The following EXTL3 variants were observed in gnomAD, a reference collection of about 807,000 sequenced individuals.
EXTL3 encodes exostosin like glycosyltransferase 3, also known as exostosin-like 3.
In EXTL3, 27 loss-of-function variants were observed where a neutral mutation model predicts 69.3. That is an observed-to-expected ratio of 0.39 (90% CI 0.29 to 0.54). The LOEUF (loss-of-function observed/expected upper bound fraction) is 0.54. Ranked by LOEUF, EXTL3 falls within the 20% of genes least tolerant of loss-of-function variation. The pLI is 0.69. For missense variants in EXTL3, 1,003 were observed against 1,231.8 expected (o/e 0.81, Z 2.78); for synonymous variants, 511 against 499.4 (o/e 1.02, Z -0.31).
intron 1 of EXTL3, among the ~76,000 whole-genome samples, chr8:28,680,850 C>T (rs1171230648): frequency 6.6e-6 from 1 of 152,110 alleles, no homozygotes; most frequent in Non-Finnish European, 1.5e-5. Flanking sequence ...CATAATGTCT[C>T]TAGGTTCATC....
intron 1 of EXTL3, among the ~76,000 whole-genome samples, chr8:28,701,876 CCAGGCCCTCGGCCGG>C (rs1476935037): frequency 1.3e-5 from 2 of 152,062 alleles, no homozygotes; most frequent in Admixed American, 6.5e-5. Context: ...GGAGAGGCCG[CCAGGCCCTCGGCCGG>C]CAGCCGGGAG....
intron 1 of EXTL3, among the ~76,000 whole-genome samples, chr8:28,649,692 T>C (rs973283757): frequency 1.3e-5 from 2 of 152,200 alleles, no homozygotes; most frequent in African/African-American, 4.8e-5. Flanking sequence ...TTGTCTATGG[T>C]ATATTTCAGT....
chr8:28,743,207 C>G lies in EXTL3; in HGVS notation c.2543C>G (p.Pro848Arg). 6.2e-7 allele frequency: 1 copy of G among 1,614,212 alleles called. No homozygotes were observed. The highest frequency in any genetic ancestry group is 8.5e-7 in the Non-Finnish European group (1 of 1,180,022). The change falls in exon 6 of 7, where the codon CCC becomes CGC. Residue 848 changes from proline to arginine, a missense_variant. Transcript: ENST00000220562. The part of the protein sequence containing the change: ...FLVSHITRKP[P>R]IKVTSRWTFR... ...GTCTCCCACATCACTCGGAAGCCCC[C>G]CATCAAGGTGAGGTCCCACCACTGG...
Position 28,609,903 on chromosome 8 carries a change from A to T in EXTL3, n.314+2145A>T, listed in dbSNP as rs1456851999. Among the ~76,000 whole-genome samples the T allele has an allele frequency of 2.8e-4, 20 of 71,158 alleles. No homozygotes were observed. In the African/African-American group the frequency reaches 4.6e-3, roughly 16 times the overall value. The allele number at this position is 71,158 out of a possible 152,430, so 46.7% of individuals were successfully genotyped here. ...AGACACTGGCTCAAAAAAATAATTA[A>T]AAAAAAAAAAAAAAAGCCAGATGCA... On this transcript the variant is annotated intron_variant and non_coding_transcript_variant, in intron 2 of 4. Transcript: ENST00000522725.
chr8:28,716,262 G>A lies in EXTL3; in HGVS notation c.203G>A (p.Arg68Gln), dbSNP rs150466027. 2.5e-6 allele frequency: 4 copies of A among 1,614,050 alleles called. No homozygotes were observed. In the African/African-American group the frequency reaches 4.0e-5, roughly 16 times the overall value. ...DEAGKRIFGP[R>Q]VGNELCEVKH... ...GCAGGCAAGCGGATTTTTGGTCCCC[G>A]GGTGGGGAACGAGCTGTGCGAGGTG... Residue 68 changes from arginine (R) to glutamine (Q), a missense_variant, in exon 3 of 7, where the codon CGG (arginine) becomes CAG (glutamine). Coordinates refer to ENST00000220562, the MANE Select transcript of EXTL3 (RefSeq NM_001440.4). The surrounding 1 kb of genome is among the most constrained non-coding windows in gnomAD (Gnocchi z 7.1).
intron 1 of EXTL3, among the ~76,000 whole-genome samples, chr8:28,672,275 G>A (rs1270405328): frequency 2.0e-5 from 3 of 151,724 alleles, no homozygotes; most frequent in African/African-American, 4.8e-5. Flanking sequence ...AAAATTAGCC[G>A]GGCATGGTGG....
intron 3 of EXTL3, among the ~76,000 whole-genome samples, chr8:28,721,101 G>A (rs756104802): frequency 2.6e-5 from 4 of 152,184 alleles, no homozygotes; most frequent in Non-Finnish European, 5.9e-5. Context: ...TTGGTTTTCA[G>A]CAGTTTGACT....
At chr8:28,698,702 A>G (rs991504133), upstream of EXTL3, among the ~76,000 whole-genome samples, 2 of 151,966 alleles carry the variant, frequency 1.3e-5, no homozygotes, top group Admixed American at 1.3e-4. Context: ...ACAAAACAAA[A>G]CAAAAATTAG....
chr8:28,674,770 T>A (rs2130648630), intron 1 of EXTL3, among the ~76,000 whole-genome samples: 1 of 152,290 alleles, frequency 6.6e-6, no homozygotes, highest in Non-Finnish European at 1.5e-5. Flanking sequence ...ATGTCTCCTT[T>A]ATCAGTGAAG....
At chr8:28,621,877 A>G (rs192250782), upstream of EXTL3, among the ~76,000 whole-genome samples, 261 of 152,384 alleles carry the variant, frequency 1.7e-3, no homozygotes, top group Middle Eastern at 3.4e-3. Flanking sequence ...TTAACATCGC[A>G]TGACAGAAAT....
chr8:28,633,926 C>T (rs1228472883), intron 1 of EXTL3, among the ~76,000 whole-genome samples: 3 of 152,188 alleles, frequency 2.0e-5, no homozygotes, highest in African/African-American at 7.2e-5. Context: ...ACTCAGCCGA[C>T]CTCTGTGTTA....
intron 1 of EXTL3, among the ~76,000 whole-genome samples, chr8:28,634,688 G>A (rs779929788): frequency 1.3e-5 from 2 of 149,408 alleles, no homozygotes; most frequent in East Asian, 2.0e-4. Flanking sequence ...CTCCACCCCC[G>A]GGTTCAAGTG....
chr8:28,638,192 G>A (rs1250455125), intron 1 of EXTL3, among the ~76,000 whole-genome samples: 11 of 152,154 alleles, frequency 7.2e-5, no homozygotes, highest in Admixed American at 7.2e-4. Flanking sequence ...GGTTCCAAGT[G>A]ACAGAACCCA....
At chr8:28,749,333 AG>A (rs1801955483) in intron 6 of EXTL3, among the ~76,000 whole-genome samples, 2 of 152,404 alleles carry the variant, frequency 1.3e-5, no homozygotes, top group South Asian at 4.1e-4. Context: ...CAGATTGGAA[AG>A]CCCTAAATGG....
chr8:28,690,733 A>T (rs1800602717), intron 1 of EXTL3, among the ~76,000 whole-genome samples: 1 of 152,226 alleles, frequency 6.6e-6, no homozygotes, highest in East Asian at 1.9e-4. Context: ...ACAACATGGC[A>T]GTGAGTTTCT....
At chr8:28,677,375 GTC>G in intron 1 of EXTL3, among the ~76,000 whole-genome samples, 1 of 152,204 alleles carries the variant, frequency 6.6e-6, no homozygotes, top group Middle Eastern at 3.4e-3. Context: ...AGGAGCCTTT[GTC>G]TCTCTGCCAA....
chr8:28,613,474 G>C (rs1186634071), intron 2 of EXTL3, among the ~76,000 whole-genome samples: 1 of 152,168 alleles, frequency 6.6e-6, no homozygotes, highest in Non-Finnish European at 1.5e-5. Context: ...GAGCCACTGC[G>C]CCTGGCCCTA....
At chr8:28,689,162 T>C (rs1038377569) in intron 1 of EXTL3, among the ~76,000 whole-genome samples, 2 of 152,250 alleles carry the variant, frequency 1.3e-5, no homozygotes, top group Admixed American at 1.3e-4. Context: ...CTCAGCCCCT[T>C]GCAGTCTTTT....
chr8:28,741,868 A>T (rs1585295787), intron 5 of EXTL3: 1 of 152,210 alleles, frequency 6.6e-6, no homozygotes, highest in East Asian at 1.9e-4. Context: ...TTACAAAAAA[A>T]TTTTATCATT....
Sources: allele counts gnomAD v4.1 joint callset (sites outside exome capture counted in the v4.1 genomes callset), GRCh38; gene constraint gnomAD v4.1.1; non-coding constraint Gnocchi (gnomAD v3.1); transcripts MANE v1.5; gene names NCBI Gene and HGNC (gene_info 2026-07-23, HGNC 2026-07-21).